The following TNNI3K variants were observed in gnomAD, a reference collection of about 807,000 sequenced individuals.
The protein encoded by TNNI3K is TNNI3 interacting kinase.
Under a neutral mutation model 114.5 loss-of-function variants are expected in TNNI3K, and 140 were observed. The observed-to-expected ratio is 1.22, with a 90% CI of 1.07 to 1.41. The LOEUF is 1.41. Ranked by LOEUF, TNNI3K falls within the 40% of genes most tolerant of loss-of-function variation. TNNI3K has a pLI of 0.00. For missense variants in TNNI3K, 1,125 were observed against 1,007.6 expected, an observed-to-expected ratio of 1.12 and a Z score of -1.58; for synonymous variants, 347 against 347.5, an observed-to-expected ratio of 1.00 and a Z score of 0.02.
chr1:74,289,241 G>T (rs975280903), intron 5 of TNNI3K, among the ~76,000 whole-genome samples: 2 of 151,758 alleles, frequency 1.3e-5, no homozygotes, highest in African/African-American at 2.4e-5. Context: ...CTTAAAAAAT[G>T]GATATATGCT....
chr1:74,524,800 A>T lies in TNNI3K; in HGVS notation c.2352-15434A>T, dbSNP rs370114940. 9.9e-5 allele frequency among the ~76,000 whole-genome samples: 15 copies of T among 152,056 alleles called. No individual in the cohort carries two copies. In the East Asian group the frequency reaches 1.4e-3, roughly 14 times the overall value. On this transcript the variant is annotated intron_variant, in intron 23 of 24. Coordinates refer to ENST00000326637, the MANE Select transcript of TNNI3K (RefSeq NM_015978.3). ...AGAAAGGAAGTAAAGGGGCTGCCTC[A>T]TGAAGGGGGACAGGCCACTGGTAGG...
chr1:74,454,284 C>T (rs1052455240), intron 20 of TNNI3K, among the ~76,000 whole-genome samples: 1 of 152,088 alleles, frequency 6.6e-6, no homozygotes, highest in Non-Finnish European at 1.5e-5. Flanking sequence ...TATAGTCACT[C>T]CATTATGCTA....
intron 5 of TNNI3K, among the ~76,000 whole-genome samples, chr1:74,275,455 G>C (rs1037153454): frequency 1.3e-5 from 2 of 151,986 alleles, no homozygotes; most frequent in African/African-American, 4.8e-5. Flanking sequence ...GGGGATTATG[G>C]GAGTACAATT....
intron 20 of TNNI3K, among the ~76,000 whole-genome samples, chr1:74,459,605 G>GA (rs1557579479): frequency 6.6e-6 from 1 of 152,086 alleles, no homozygotes; most frequent in Admixed American, 6.5e-5. Flanking sequence ...AATTTTCATT[G>GA]AAAAAAATAA....
intron 17 of TNNI3K, among the ~76,000 whole-genome samples, chr1:74,413,741 A>C (rs1387476852): frequency 6.6e-6 from 1 of 152,152 alleles, no homozygotes; most frequent in Non-Finnish European, 1.5e-5. Flanking sequence ...GTGTGCATCC[A>C]AATTATTGTG....
At chr1:74,471,296 T>A (rs942307971) in intron 21 of TNNI3K, 15 of 400,536 alleles carry the variant, frequency 3.7e-5, no homozygotes, top group Non-Finnish European at 6.2e-5. Context: ...TAGTTGCTAC[T>A]CTCTGACTGT....
At chr1:74,451,690 TC>T (rs778378214) in intron 20 of TNNI3K, among the ~76,000 whole-genome samples, 1 of 39,090 alleles carries the variant, frequency 2.6e-5, no homozygotes, top group Non-Finnish European at 5.7e-5. Flanking sequence ...TTCTTTTCTT[TC>T]TTTCTTTCTT....
At chr1:74,317,272 G>A (rs979172668) in intron 5 of TNNI3K, among the ~76,000 whole-genome samples, 1 of 152,190 alleles carries the variant, frequency 6.6e-6, no homozygotes, top group Non-Finnish European at 1.5e-5. Context: ...CTGAGAATCT[G>A]AGTAGGTGTT....
rs531972846 is a variant in TNNI3K, at chr1:74,530,942, A to T, written c.2352-9292A>T. 8.1e-4 allele frequency among the ~76,000 whole-genome samples: 124 copies of T among 152,312 alleles called. 3 individuals are homozygous for T. The Middle Eastern group carries it at 0.014, about 17-fold the overall frequency. ...TGAGCCTATTAATAATTTATGAGCC[A>T]TCAAGGAATTAATACACACTTTAAG... On this transcript the variant is annotated intron_variant, in intron 23 of 24. Coordinates refer to ENST00000326637, the MANE Select transcript of TNNI3K (RefSeq NM_015978.3).
At chr1:74,357,411 CTCTA>C (rs1661724931) in intron 11 of TNNI3K, among the ~76,000 whole-genome samples, 1 of 152,162 alleles carries the variant, frequency 6.6e-6, no homozygotes, top group Non-Finnish European at 1.5e-5. Flanking sequence ...CAGCACCCGT[CTCTA>C]TCTGAATGGC....
At chr1:74,406,384 A>T (rs963203277) in intron 17 of TNNI3K, among the ~76,000 whole-genome samples, 48 of 152,146 alleles carry the variant, frequency 3.2e-4, no homozygotes, top group African/African-American at 1.1e-3. Context: ...GTGGCCCAAG[A>T]CAATTCTTCT....
chr1:74,422,362 A>G (rs953590029), intron 17 of TNNI3K, among the ~76,000 whole-genome samples: 1 of 152,074 alleles, frequency 6.6e-6, no homozygotes, highest in Non-Finnish European at 1.5e-5. Context: ...TACTGAAAAA[A>G]CACTATATGT....
In TNNI3K at chr1:74,309,001, C is replaced by A. The variant is rs374696345; in HGVS notation, c.445-22449C>A. Among the ~76,000 whole-genome samples the A allele has an allele frequency of 2.9e-3, 437 of 152,216 alleles. 1 individual carries two copies. The highest frequency in any genetic ancestry group is 9.9e-3 in the African/African-American group (410 of 41,550). On this transcript the variant is annotated intron_variant, in intron 5 of 24. Coordinates refer to ENST00000326637, the MANE Select transcript of TNNI3K (RefSeq NM_015978.3). Reference sequence around the variant, plus strand: ...ACAATAAAAAATTATGAAACTGAATCAGTGATAGAAAAACTACCAACCATA... The same window carrying A: ...ACAATAAAAAATTATGAAACTGAATAAGTGATAGAAAAACTACCAACCATA...
At chr1:74,356,392 A>G (rs534564919) in intron 11 of TNNI3K, among the ~76,000 whole-genome samples, 1 of 152,210 alleles carries the variant, frequency 6.6e-6, no homozygotes, top group Non-Finnish European at 1.5e-5. Context: ...TCTATTAGAT[A>G]TAAAGGTGTT....
At chr1:74,542,952 C>G (rs1409384801) in intron 24 of TNNI3K, among the ~76,000 whole-genome samples, 1 of 151,880 alleles carries the variant, frequency 6.6e-6, no homozygotes, top group African/African-American at 2.4e-5. Flanking sequence ...GTATTTAGAC[C>G]TAAGAATTTT....
At chr1:74,345,492 T>C (rs1660956253) in intron 9 of TNNI3K, among the ~76,000 whole-genome samples, 1 of 152,186 alleles carries the variant, frequency 6.6e-6, no homozygotes, top group African/African-American at 2.4e-5. Context: ...ATATTCAGTT[T>C]AATTGGATAA....
intron 23 of TNNI3K, among the ~76,000 whole-genome samples, chr1:74,525,814 T>G (rs1646496629): frequency 6.6e-6 from 1 of 152,172 alleles, no homozygotes; most frequent in Admixed American, 6.5e-5. Flanking sequence ...TGTCAAAACC[T>G]GGGTTGCCCC....
intron 17 of TNNI3K, among the ~76,000 whole-genome samples, chr1:74,423,843 A>C (rs571189017): frequency 1.3e-5 from 2 of 152,222 alleles, no homozygotes; most frequent in South Asian, 4.1e-4. Flanking sequence ...GGGTTGTGTG[A>C]ATATTAAACT....
intron 21 of TNNI3K, among the ~76,000 whole-genome samples, chr1:74,481,188 ATGTT>A (rs1431855759): frequency 1.1e-4 from 17 of 152,224 alleles, no homozygotes; most frequent in Non-Finnish European, 2.4e-4. Context: ...CTGCTGTGAC[ATGTT>A]TGTTTGAGAA....
Sources: allele counts gnomAD v4.1 joint callset (sites outside exome capture counted in the v4.1 genomes callset), GRCh38; gene constraint gnomAD v4.1.1; transcripts MANE v1.5; gene names NCBI Gene and HGNC (gene_info 2026-07-23, HGNC 2026-07-21).